LPAR3: variants seen among roughly 807,000 people sequenced by gnomAD.
LPAR3 encodes LPA receptor 3.
Under a neutral mutation model 17.8 loss-of-function variants are expected in LPAR3, and 7 were observed. The observed-to-expected ratio is 0.39, with a 90% CI of 0.22 to 0.74. The LOEUF is 0.74. LPAR3 is among the 30% of genes least tolerant of loss of function. LPAR3 has a pLI of 0.40. For missense variants in LPAR3, 391 were observed against 453.4 expected (o/e 0.86, Z 1.25); for synonymous variants, 179 against 179.9 (o/e 0.99, Z 0.04).
At chr1:84,861,694 TC>T (rs1659944907) in intron 2 of LPAR3, among the ~76,000 whole-genome samples, 1 of 152,198 alleles carries the variant, frequency 6.6e-6, no homozygotes, top group Admixed American at 6.5e-5. Context: ...GAGTTTCATT[TC>T]CCTCGTCCCT....
At chr1:84,850,502 G>C (rs565733188) in intron 2 of LPAR3, among the ~76,000 whole-genome samples, 2 of 151,994 alleles carry the variant, frequency 1.3e-5, no homozygotes, top group Non-Finnish European at 2.9e-5. Flanking sequence ...TGGGAGGATC[G>C]CTTGAACCTG....
chr1:84,816,141 T>A (rs17377659), intron 2 of LPAR3, among the ~76,000 whole-genome samples: 4,019 of 152,258 alleles, frequency 0.026, 69 homozygotes, highest in Middle Eastern at 0.085. Flanking sequence ...ATGTGACAGA[T>A]TCAGACTGGT....
intron 1 of LPAR3, among the ~76,000 whole-genome samples, chr1:84,868,515 AC>A (rs1660097329): frequency 6.6e-6 from 1 of 152,186 alleles, no homozygotes; most frequent in Admixed American, 6.5e-5. Flanking sequence ...ACAGCTTTCA[AC>A]CATGTTGAAA....
chr1:84,837,630 C>T (rs557048043), intron 2 of LPAR3, among the ~76,000 whole-genome samples: 1 of 152,252 alleles, frequency 6.6e-6, no homozygotes, highest in African/African-American at 2.4e-5. Flanking sequence ...CACCTACACA[C>T]AAATAATATT....
chr1:84,815,121 T>C (rs1431306666), intron 2 of LPAR3, among the ~76,000 whole-genome samples: 1 of 152,194 alleles, frequency 6.6e-6, no homozygotes, highest in African/African-American at 2.4e-5. Context: ...ATTGGCATTA[T>C]TATTATCCCC....
intron 2 of LPAR3, among the ~76,000 whole-genome samples, chr1:84,854,168 C>T (rs1659771964): frequency 6.6e-6 from 1 of 152,178 alleles, no homozygotes; most frequent in African/African-American, 2.4e-5. Context: ...TTCCAGAAAT[C>T]AGTCTGCCCA....
intron 2 of LPAR3, among the ~76,000 whole-genome samples, chr1:84,852,820 A>G (rs1486541738): frequency 1.3e-5 from 2 of 152,222 alleles, no homozygotes; most frequent in Non-Finnish European, 1.5e-5. Flanking sequence ...AAGCAGGCAC[A>G]TAACAGGAAG....
At chr1:84,892,843 G>C (rs1320360802) in intron 1 of LPAR3, among the ~76,000 whole-genome samples, 173 bp downstream of exon 1, 1 of 152,238 alleles carries the variant, frequency 6.6e-6, no homozygotes, top group African/African-American at 2.4e-5. Flanking sequence ...CCCGCCGGGA[G>C]AGTCTTGTCC....
At position 84,814,111 on chromosome 1, in the gene LPAR3, C is replaced by T. The variant is rs758548078; in HGVS notation, c.797G>A (p.Cys266Tyr). ...CACATGCTGCACGCCACACTGCCTGCAGTTCAGGCCGTCGAGGAGCAGAAC... is the reference window on the plus strand; with the variant it reads ...CACATGCTGCACGCCACACTGCCTGTAGTTCAGGCCGTCGAGGAGCAGAAC... ...LVVLLLDGLN[C>Y]RQCGVQHVKR... is the part of the protein sequence containing the mutation. Residue 266 changes from cysteine to tyrosine, a missense_variant, in exon 3 of 3, where the codon TGC becomes TAC. Transcript: ENST00000370611. 2 of 1,614,036 alleles carry T rather than the reference C, an allele frequency of 1.2e-6. No individual in the cohort carries two copies. Among genetic ancestry groups the T allele is most frequent in the African/African-American group, 1.3e-5 (1 of 74,904 alleles).
At chr1:84,821,564 A>G (rs1659053717) in intron 2 of LPAR3, among the ~76,000 whole-genome samples, 1 of 152,108 alleles carries the variant, frequency 6.6e-6, no homozygotes, top group East Asian at 1.9e-4. Context: ...ATTTCTTAAA[A>G]CCTAGTCCTG....
At chr1:84,868,386 A>C (rs1157136158) in intron 1 of LPAR3, among the ~76,000 whole-genome samples, 1 of 152,194 alleles carries the variant, frequency 6.6e-6, no homozygotes, top group East Asian at 1.9e-4. Context: ...CTGAGATTAC[A>C]AGCATGAGCC....
intron 1 of LPAR3, among the ~76,000 whole-genome samples, chr1:84,887,163 G>A (rs545854122): frequency 1.3e-5 from 2 of 151,310 alleles, no homozygotes; most frequent in Non-Finnish European, 2.9e-5. Flanking sequence ...TCAGGATTTC[G>A]AGACCAGCTT....
chr1:84,882,709 G>T (rs1020777140), intron 1 of LPAR3, among the ~76,000 whole-genome samples: 5 of 152,136 alleles, frequency 3.3e-5, no homozygotes, highest in Admixed American at 1.3e-4. Flanking sequence ...TTTGACAAGG[G>T]TGCCAAGAAT....
intron 1 of LPAR3, among the ~76,000 whole-genome samples, chr1:84,888,260 T>C (rs1488642533): frequency 6.6e-6 from 1 of 151,770 alleles, no homozygotes; most frequent in Non-Finnish European, 1.5e-5. Flanking sequence ...CATGGAGACA[T>C]AGAAAAAGAT....
chr1:84,872,428 T>C (rs1015308039), intron 1 of LPAR3, among the ~76,000 whole-genome samples: 2 of 152,068 alleles, frequency 1.3e-5, no homozygotes, highest in African/African-American at 4.8e-5. Flanking sequence ...TGAAGGACAG[T>C]CTCACAATAG....
At chr1:84,835,741 C>T (rs535717183) in intron 2 of LPAR3, among the ~76,000 whole-genome samples, 4 of 152,236 alleles carry the variant, frequency 2.6e-5, no homozygotes, top group African/African-American at 7.2e-5. Flanking sequence ...GCTAGATTGA[C>T]GTCAATCTTG....
At chr1:84,867,263 G>T (rs1004222010) in intron 1 of LPAR3, among the ~76,000 whole-genome samples, 1 of 152,174 alleles carries the variant, frequency 6.6e-6, no homozygotes, top group Admixed American at 6.5e-5. Context: ...AGCCATGAAC[G>T]GTCCTACGGA....
intron 2 of LPAR3, among the ~76,000 whole-genome samples, chr1:84,820,963 T>A (rs528532181): frequency 1.3e-5 from 2 of 151,914 alleles, no homozygotes; most frequent in South Asian, 4.2e-4. Flanking sequence ...ACAGAAAACA[T>A]CAGAGTGCAT....
chr1:84,816,233 C>T (rs1658929285), intron 2 of LPAR3, among the ~76,000 whole-genome samples: 1 of 152,148 alleles, frequency 6.6e-6, no homozygotes, highest in African/African-American at 2.4e-5. Flanking sequence ...CTTGAGAATT[C>T]ATATTAGTAA....
Sources: gnomAD v4.1 joint callset for allele counts (sites outside exome capture counted in the v4.1 genomes callset) on GRCh38, gnomAD v4.1.1 for gene constraint, MANE v1.5 for transcripts, NCBI Gene and HGNC (gene_info 2026-07-23, HGNC 2026-07-21) for gene names.